CCDC7: variants seen among roughly 807,000 people sequenced by gnomAD.
CCDC7 encodes the protein coiled-coil domain containing 7.
A neutral mutation model predicts 196.9 loss-of-function variants in CCDC7; 183 were observed. That is an observed-to-expected ratio of 0.93 (90% CI 0.82 to 1.05). The LOEUF (loss-of-function observed/expected upper bound fraction) is 1.05. Ranked by LOEUF, CCDC7 falls within the 50% of genes least tolerant of loss-of-function variation. The pLI is 0.00. For synonymous variants in CCDC7, 525 were observed against 484.6 expected (o/e 1.08, Z -1.10); for missense variants, 1,540 against 1,482.2 (o/e 1.04, Z -0.64).
At chr10:32,625,282 G>T (rs1488465921) in intron 18 of CCDC7, among the ~76,000 whole-genome samples, 1 of 151,428 alleles carries the variant, frequency 6.6e-6, no homozygotes, top group East Asian at 1.9e-4. Flanking sequence ...ATTGTGTATT[G>T]GTGGCACCCC....
chr10:32,473,161 A>T (rs1268012959), intron 7 of CCDC7, among the ~76,000 whole-genome samples: 1 of 152,192 alleles, frequency 6.6e-6, no homozygotes, highest in East Asian at 1.9e-4. Flanking sequence ...CTAGCATGTT[A>T]GTACAGTGTC....
At chr10:32,514,996 A>C (rs2046802458) in intron 9 of CCDC7, among the ~76,000 whole-genome samples, 1 of 151,930 alleles carries the variant, frequency 6.6e-6, no homozygotes, top group Admixed American at 6.6e-5. Flanking sequence ...GGCAATTAAA[A>C]AATTTTTTTT....
chr10:32,579,847 G>T (rs2058577523), intron 16 of CCDC7, among the ~76,000 whole-genome samples: 1 of 152,022 alleles, frequency 6.6e-6, no homozygotes, highest in South Asian at 2.1e-4. Flanking sequence ...TTAGTAGTTT[G>T]TCTGGTATAA....
At chr10:32,472,344 G>C in intron 6 of CCDC7, 137 bp from the exon 8 acceptor site, 1 of 743,302 alleles carries the variant, frequency 1.3e-6, no homozygotes, top group Non-Finnish European at 1.9e-6. Context: ...GTGTCTGTGA[G>C]TAAAGATTAA....
chr10:32,528,871 T>C (rs1251319032), intron 11 of CCDC7, among the ~76,000 whole-genome samples: 3 of 151,632 alleles, frequency 2.0e-5, no homozygotes, highest in Non-Finnish European at 2.9e-5. Flanking sequence ...ATTTTTGCAG[T>C]TGCAAATTAT....
chr10:32,718,336 A>T (rs2081926753), intron 25 of CCDC7, among the ~76,000 whole-genome samples: 1 of 151,526 alleles, frequency 6.6e-6, no homozygotes, highest in South Asian at 2.1e-4. Context: ...TTCATGGTAA[A>T]AACACTCAAT....
intron 24 of CCDC7, among the ~76,000 whole-genome samples, chr10:32,705,588 G>C (rs1048007809): frequency 2.0e-5 from 3 of 152,042 alleles, no homozygotes; most frequent in African/African-American, 7.2e-5. Context: ...CACGTGCAGA[G>C]GCACACATAG....
intron 18 of CCDC7, among the ~76,000 whole-genome samples, chr10:32,618,062 C>T (rs1433892215): frequency 1.3e-5 from 2 of 151,800 alleles, no homozygotes; most frequent in African/African-American, 2.4e-5. Flanking sequence ...ACTTGTGTTC[C>T]CCTTTGGTTT....
chr10:32,594,926 T>C (rs567640527), intron 18 of CCDC7, among the ~76,000 whole-genome samples: 1 of 152,360 alleles, frequency 6.6e-6, no homozygotes, highest in Admixed American at 6.5e-5. Flanking sequence ...GATAAGCTTT[T>C]TGATGTGCTG....
chr10:32,749,925 CA>C (rs913076050), intron 28 of CCDC7, among the ~76,000 whole-genome samples: 3 of 152,134 alleles, frequency 2.0e-5, no homozygotes, highest in African/African-American at 7.2e-5. Flanking sequence ...GTATCTCTCA[CA>C]ATTTCCTCCA....
intron 31 of CCDC7, among the ~76,000 whole-genome samples, chr10:32,824,158 GT>G (rs1410311678): frequency 3.6e-4 from 54 of 152,086 alleles, no homozygotes; most frequent in African/African-American, 1.1e-3. Context: ...ATACTTGAAA[GT>G]TATGTTATTA....
intron 18 of CCDC7, among the ~76,000 whole-genome samples, chr10:32,632,956 C>T (rs1028682778): frequency 6.6e-6 from 1 of 152,146 alleles, no homozygotes; most frequent in Non-Finnish European, 1.5e-5. Context: ...TTCCAGTGAG[C>T]TCTACTTAAT....
chr10:32,661,456 C>A (rs73259413), intron 20 of CCDC7, among the ~76,000 whole-genome samples: 1 of 152,056 alleles, frequency 6.6e-6, no homozygotes, highest in Non-Finnish European at 1.5e-5. Context: ...AGTTTCTTAC[C>A]ATAGCCACCA....
At chr10:32,862,616 C>A (rs1003897515) in intron 41 of CCDC7, among the ~76,000 whole-genome samples, 22 of 152,006 alleles carry the variant, frequency 1.4e-4, no homozygotes, top group African/African-American at 5.1e-4. Context: ...TAAAACTTCT[C>A]CACTAAGATC....
chr10:32,610,804 T>C (rs111427483), intron 18 of CCDC7, among the ~76,000 whole-genome samples: 8,075 of 152,292 alleles, frequency 0.053, 713 homozygotes, highest in African/African-American at 0.18. Flanking sequence ...TGCCACATTT[T>C]CTTTATCCAG....
chr10:32,820,102 G>A (rs1429719515), intron 31 of CCDC7, among the ~76,000 whole-genome samples: 2 of 152,132 alleles, frequency 1.3e-5, no homozygotes, highest in East Asian at 1.9e-4. Flanking sequence ...TAAGCTGAGA[G>A]GCAACTTCAG....
At chr10:32,812,827 A>T (rs950007339) in intron 30 of CCDC7, among the ~76,000 whole-genome samples, 1 of 152,106 alleles carries the variant, frequency 6.6e-6, no homozygotes, top group African/African-American at 2.4e-5. Context: ...CTCATTTCAA[A>T]TGAACCCGTC....
chr10:32,561,027 T>A (rs1357985091), intron 13 of CCDC7, among the ~76,000 whole-genome samples: 1 of 99,358 alleles, frequency 1.0e-5, no homozygotes, highest in African/African-American at 3.3e-5. Flanking sequence ...AATCCTAGTC[T>A]CTGATAAAAC....
At chr10:32,821,965 A>G (rs1443402266) in intron 31 of CCDC7, among the ~76,000 whole-genome samples, 2 of 151,098 alleles carry the variant, frequency 1.3e-5, no homozygotes, top group Non-Finnish European at 3.0e-5. Flanking sequence ...TATAACAAAA[A>G]AAGAAAAACA....
Sources: gnomAD v4.1 joint callset for allele counts (sites outside exome capture counted in the v4.1 genomes callset) on GRCh38, gnomAD v4.1.1 for gene constraint, MANE v1.5 for transcripts, NCBI Gene and HGNC (gene_info 2026-07-23, HGNC 2026-07-21) for gene names.